The following UACA variants were observed in gnomAD, a reference collection of about 807,000 sequenced individuals.
UACA encodes uveal autoantigen with coiled-coil domains and ankyrin repeats.
A neutral mutation model predicts 160.5 loss-of-function variants in UACA; 112 were observed. The ratio of observed to expected loss-of-function variants is 0.70; its 90% CI spans 0.60 to 0.82. The LOEUF is 0.82. Among genes scored for constraint, UACA ranks in the 40% least tolerant of loss-of-function variants. The pLI is 0.00. For synonymous variants in UACA, 557 were observed against 568.4 expected (o/e 0.98, Z 0.29); for missense variants, 1,574 against 1,614.6 (o/e 0.97, Z 0.43).
chr15:70,775,492 G>T, the UACA span, among the ~76,000 whole-genome samples: 29 of 151,970 alleles, frequency 1.9e-4, 1 homozygote, highest in Non-Finnish European at 2.5e-4. Flanking sequence ...CTTCTCCTAT[G>T]GACCAAACAA....
At chr15:70,769,270 C>T in the UACA span, among the ~76,000 whole-genome samples, 1 of 132,280 alleles carries the variant, frequency 7.6e-6, no homozygotes, top group African/African-American at 2.8e-5. Context: ...ACCCAGGAGG[C>T]GGAGCTTGCA....
chr15:70,669,053 T>A lies in UACA; in HGVS notation c.1631A>T (p.Asp544Val). The stretch of plus-strand genomic sequence containing the variant: ...TTTTACTTTCAAGTCTTTCAACTGA[T>A]CCTTCAGTTCCTCGGTTAGTCTGTG... The part of the protein sequence containing the change: ...GNHRLTEELK[D>V]QLKDLKVKYE... Residue 544 changes from aspartate (D) to valine (V), a missense_variant, in exon 16 of 19, where the codon GAT becomes GTT. Physicochemically the swap from Asp to Val is radical, Grantham distance 152. Coordinates refer to ENST00000322954, the MANE Select transcript of UACA (RefSeq NM_018003.4). The A allele has an allele frequency of 6.2e-7, 1 of 1,614,106 alleles. No homozygotes were observed. The highest frequency in any genetic ancestry group is 8.5e-7 in the Non-Finnish European group (1 of 1,180,012).
chr15:70,756,399 G>A (rs1314389655), intron 1 of UACA, among the ~76,000 whole-genome samples: 5 of 151,274 alleles, frequency 3.3e-5, no homozygotes, highest in Admixed American at 6.6e-5. Context: ...GACCTCAAGC[G>A]ATCTGCCCAC....
chr15:70,655,702 C>G lies in UACA; in HGVS notation c.*1354G>C, dbSNP rs1028107879. On this transcript the variant is annotated 3_prime_UTR_variant, in exon 19 of 19. Transcript: ENST00000322954. ...ATTCTGACTTTCAATGTTGTTTCAA[C>G]ACCGAAAAAATATGATGGCTTATTC... 6.6e-6 allele frequency: 1 copy of G among 152,120 alleles called. No homozygotes were observed. The highest frequency in any genetic ancestry group is 1.5e-5 in the Non-Finnish European group (1 of 68,016). The allele number at this position is 152,120 out of a possible 1,614,324, so 9.4% of individuals were successfully genotyped here. A position where few individuals can be genotyped will look rare whatever the true frequency, so the allele number is the denominator to read the frequency against.
intron 17 of UACA, chr15:70,661,025 C>G (rs922330706): frequency 1.3e-5 from 2 of 152,188 alleles, no homozygotes; most frequent in African/African-American, 4.8e-5. Flanking sequence ...GGAACATACC[C>G]TCAGTGGATA....
intron 11 of UACA, 71 bp from the exon 12 acceptor site, chr15:70,677,211 G>A (rs1040030835): frequency 2.5e-6 from 3 of 1,206,490 alleles, no homozygotes; most frequent in Non-Finnish European, 3.6e-6. Context: ...ACTTGGCAAA[G>A]ATATTTTAAA....
chr15:70,703,450 C>T (rs1235844863), intron 1 of UACA, among the ~76,000 whole-genome samples: 2 of 152,108 alleles, frequency 1.3e-5, no homozygotes, highest in Non-Finnish European at 2.9e-5. Context: ...GGGTCATATA[C>T]CATATCTCAT....
intron 1 of UACA, among the ~76,000 whole-genome samples, chr15:70,724,318 T>C (rs1182547132): frequency 1.3e-5 from 2 of 152,212 alleles, no homozygotes; most frequent in Non-Finnish European, 2.9e-5. Flanking sequence ...GGCTATCTAG[T>C]GTTCATAAAG....
At chr15:70,763,285 T>G in intron 1 of UACA, 45 bp downstream of exon 1, 1 of 1,314,170 alleles carries the variant, frequency 7.6e-7, no homozygotes, top group Non-Finnish European at 9.8e-7. Flanking sequence ...AGGGCTGCGC[T>G]GCTCCCGGAG....
At chr15:70,742,602 A>G (rs528328722) in intron 1 of UACA, among the ~76,000 whole-genome samples, 91 of 152,306 alleles carry the variant, frequency 6.0e-4, no homozygotes, top group African/African-American at 2.0e-3. Context: ...TTTAATTATA[A>G]AAAGGAGTAT....
intron 1 of UACA, among the ~76,000 whole-genome samples, chr15:70,748,401 TC>T (rs148779967): frequency 0.13 from 20,526 of 152,076 alleles, 1,703 homozygotes; most frequent in African/African-American, 0.23. Context: ...CTTCTACAGT[TC>T]CAGAGTGTTC....
At position 70,701,754 on chromosome 15, in the gene UACA, C is replaced by T; in HGVS notation, c.79-2094G>A. On this transcript the variant is annotated intron_variant, in intron 1 of 18. Coordinates refer to ENST00000322954, the MANE Select transcript of UACA (RefSeq NM_018003.4). Reference sequence around the variant, plus strand: ...TTACTAACCCCAATCTGCTAATCAACTTAATCAAGAAGAAAACAATAAAGC... The same window carrying T: ...TTACTAACCCCAATCTGCTAATCAATTTAATCAAGAAGAAAACAATAAAGC... 4 of 919,974 alleles carry T rather than the reference C, an allele frequency of 4.3e-6. No individual in the cohort carries two copies. The South Asian group carries it at 6.0e-5, about 14-fold the overall frequency. 57.0% of individuals were successfully genotyped at this position (919,974 alleles called of 1,614,324 possible).
At chr15:70,660,018 C>A in intron 18 of UACA, 133 bp downstream of exon 18, 1 of 669,746 alleles carries the variant, frequency 1.5e-6, no homozygotes, top group Non-Finnish European at 2.4e-6. Context: ...TTAAAAGAAA[C>A]ATAATTATTT....
chr15:70,672,539 C>A (rs563170985), intron 13 of UACA, among the ~76,000 whole-genome samples: 14 of 152,294 alleles, frequency 9.2e-5, no homozygotes, highest in Non-Finnish European at 1.8e-4. Context: ...ATAAATCCAT[C>A]AATCCATTAG....
chr15:70,674,420 G>A (rs990312387), intron 13 of UACA, among the ~76,000 whole-genome samples: 9 of 152,116 alleles, frequency 5.9e-5, no homozygotes, highest in African/African-American at 1.9e-4. Context: ...TTTCAGTCAG[G>A]TGCTAGCAGA....
In UACA at chr15:70,667,785, T is replaced by C. The variant is rs1186785151; in HGVS notation, c.2899A>G (p.Ile967Val). 1 of 1,613,952 alleles carries C rather than the reference T, an allele frequency of 6.2e-7. No homozygotes were observed. Among genetic ancestry groups the C allele is most frequent in the Non-Finnish European group, 8.5e-7 (1 of 1,180,002 alleles). The stretch of plus-strand genomic sequence containing the variant: ...TCGAGCTCCTTCTTCTGGGCTTTAA[T>C]TTCGGCATGCAGTGTCACAATCTCT... ...QEEIVTLHAEIKAQKKELDTI... is the reference protein window; with the variant it reads ...QEEIVTLHAEVKAQKKELDTI... Residue 967 changes from isoleucine to valine, a missense_variant, in exon 16 of 19, where the codon ATT (isoleucine) becomes GTT (valine). Coordinates refer to ENST00000322954, the MANE Select transcript of UACA (RefSeq NM_018003.4).
At chr15:70,745,266 C>T (rs1899667545) in intron 1 of UACA, among the ~76,000 whole-genome samples, 1 of 151,584 alleles carries the variant, frequency 6.6e-6, no homozygotes, top group South Asian at 2.1e-4. Flanking sequence ...CCCTTCTCTA[C>T]TAAAAAAAAA....
chr15:70,712,111 T>C (rs1991088), intron 1 of UACA, among the ~76,000 whole-genome samples: 128,392 of 149,554 alleles, frequency 0.86, 55,473 homozygotes, highest in Admixed American at 0.91. Flanking sequence ...GTTTTAAAAG[T>C]ACCTACATGT....
At chr15:70,762,989 G>A (rs1371161079) in intron 1 of UACA, among the ~76,000 whole-genome samples, 1 of 78,014 alleles carries the variant, frequency 1.3e-5, no homozygotes, top group Non-Finnish European at 2.5e-5. Flanking sequence ...AGAGCGACGA[G>A]GGGGGGTCAA....
Sources: allele counts gnomAD v4.1 joint callset (sites outside exome capture counted in the v4.1 genomes callset), GRCh38; gene constraint gnomAD v4.1.1; transcripts MANE v1.5; gene names NCBI Gene and HGNC (gene_info 2026-07-23, HGNC 2026-07-21).